UNC119B: variants seen among roughly 807,000 people sequenced by gnomAD.
UNC119B encodes the protein protein unc-119 homolog B.
UNC119B carries 16 observed loss-of-function variants against 23.4 expected under a neutral mutation model. The observed-to-expected ratio is 0.68, with a 90% CI of 0.46 to 1.04. The LOEUF (loss-of-function observed/expected upper bound fraction) is 1.04. UNC119B is among the 50% of genes least tolerant of loss of function. The pLI is 0.00. For synonymous variants in UNC119B, 144 were observed against 145.4 expected (o/e 0.99, Z 0.07); for missense variants, 350 against 361.3 (o/e 0.97, Z 0.25).
In UNC119B at chr12:120,722,250, C is replaced by T. The variant is rs1414497516; in HGVS notation, c.*2218C>T. On this transcript the variant is annotated 3_prime_UTR_variant, in exon 5 of 5. Transcript: ENST00000344651. ...TCCTTGTTAGCTTGCCTTAGTCTCACTGGAGACCATTTGCGGATAGTGCTT... is the reference window on the plus strand; with the variant it reads ...TCCTTGTTAGCTTGCCTTAGTCTCATTGGAGACCATTTGCGGATAGTGCTT... 1 of 152,296 alleles carries T rather than the reference C, an allele frequency of 6.6e-6. No homozygotes were observed. Among genetic ancestry groups the T allele is most frequent in the East Asian group, 1.9e-4 (1 of 5,196 alleles). 9.4% of individuals were successfully genotyped at this position (152,296 alleles called of 1,614,324 possible).
At chr12:120,713,182 A>G in intron 1 of UNC119B, 92 bp from the exon 2 acceptor site, 2 of 1,083,094 alleles carry the variant, frequency 1.8e-6, no homozygotes, top group South Asian at 1.6e-5. Context: ...TGTGTAAGAA[A>G]AAATCTGAGT....
In UNC119B at chr12:120,720,758, C is replaced by G. The variant is rs559655091; in HGVS notation, c.*726C>G. 2 of 152,402 alleles carry G rather than the reference C, an allele frequency of 1.3e-5. No individual in the cohort carries two copies. Among genetic ancestry groups the G allele is most frequent in the African/African-American group, 4.8e-5 (2 of 41,592 alleles). The allele number at this position is 152,402 out of a possible 1,614,324, so 9.4% of individuals were successfully genotyped here. The stretch of plus-strand genomic sequence containing the variant: ...GGACAGACAAGCTTGCTCCACATCT[C>G]CTGGCTCCTCCCTTCTGAGTCTCAT... On this transcript the variant is annotated 3_prime_UTR_variant, in exon 5 of 5. Coordinates refer to ENST00000344651, the MANE Select transcript of UNC119B (RefSeq NM_001080533.3).
At position 120,722,972 on chromosome 12, in the gene UNC119B, C is replaced by T. The variant is rs1183069025; in HGVS notation, c.*2940C>T. On this transcript the variant is annotated 3_prime_UTR_variant, in exon 5 of 5. Transcript: ENST00000344651. ...GGAAGAATGTGATTTTGGGGCTGAC[C>T]ATAAACTGGAAATTTGTGAAATGGC... 1 of 152,380 alleles carries T rather than the reference C, an allele frequency of 6.6e-6. No homozygotes were observed. The highest frequency in any genetic ancestry group is 1.5e-5 in the Non-Finnish European group (1 of 68,192). 9.4% of individuals were successfully genotyped at this position (152,380 alleles called of 1,614,324 possible).
At chr12:120,715,709 T>A (rs1882767712) in intron 2 of UNC119B, among the ~76,000 whole-genome samples, 1 of 152,054 alleles carries the variant, frequency 6.6e-6, no homozygotes, top group South Asian at 2.1e-4. Context: ...AATTTTGTAT[T>A]TTTAGTAGAG....
chr12:120,715,448 C>T (rs1206133684), intron 2 of UNC119B, among the ~76,000 whole-genome samples: 4 of 150,546 alleles, frequency 2.7e-5, no homozygotes, highest in African/African-American at 4.9e-5. Flanking sequence ...CAGCTTAGAC[C>T]TGGAGAAAAT....
In UNC119B at chr12:120,716,987, C is replaced by T. The variant is rs1488016310; in HGVS notation, c.588C>T (p.Ser196=). The part of the protein sequence containing the change: ...FDFDFGFCIP[S]SRNTCEHIYE... ...TTGATTTTGGCTTCTGCATCCCCAG[C>T]AGTAGGAACACTTGTGAACATATCT... The change falls in exon 4 of 5, where the codon AGC becomes AGT. Residue 196 remains serine, a synonymous_variant. Coordinates refer to ENST00000344651, the MANE Select transcript of UNC119B (RefSeq NM_001080533.3). 4 of 1,613,200 alleles carry T rather than the reference C, an allele frequency of 2.5e-6. No homozygotes were observed. Among genetic ancestry groups the T allele is most frequent in the Non-Finnish European group, 2.5e-6 (3 of 1,179,484 alleles).
At chr12:120,714,321 T>C (rs2136930003) in intron 2 of UNC119B, among the ~76,000 whole-genome samples, 1 of 152,058 alleles carries the variant, frequency 6.6e-6, no homozygotes, top group Admixed American at 6.5e-5. Flanking sequence ...TGGGTTTTTT[T>C]TTTGTGTTGT....
At chr12:120,714,146 AACTT>A (rs756244296) in intron 2 of UNC119B, among the ~76,000 whole-genome samples, 2 of 152,114 alleles carry the variant, frequency 1.3e-5, no homozygotes, top group Non-Finnish European at 2.9e-5. Flanking sequence ...GTGGTTTGTA[AACTT>A]ACTTTGCAGT....
chr12:120,712,567 T>A (rs1355692056), intron 1 of UNC119B, among the ~76,000 whole-genome samples: 1 of 152,256 alleles, frequency 6.6e-6, no homozygotes, highest in Non-Finnish European at 1.5e-5. Context: ...ATATGTATTG[T>A]CTACTGTATG....
At chr12:120,715,005 A>G (rs1310730346) in intron 2 of UNC119B, among the ~76,000 whole-genome samples, 1 of 152,124 alleles carries the variant, frequency 6.6e-6, no homozygotes, top group Admixed American at 6.5e-5. Context: ...CCTGGGCAAC[A>G]TGGCAAAACC....
intron 2 of UNC119B, among the ~76,000 whole-genome samples, chr12:120,714,426 T>G (rs1385080787): frequency 6.6e-6 from 1 of 152,106 alleles, no homozygotes; most frequent in Non-Finnish European, 1.5e-5. Context: ...GTTCAAGAGC[T>G]TCTCCTGCCT....
In UNC119B at chr12:120,722,858, A is replaced by G. The variant is rs999232192; in HGVS notation, c.*2826A>G. ...GCTATGTCTCCTTATGTATTACTCAATACTGTTTTGCAGAGAAAACATTTT... is the reference window on the plus strand; with the variant it reads ...GCTATGTCTCCTTATGTATTACTCAGTACTGTTTTGCAGAGAAAACATTTT... On this transcript the variant is annotated 3_prime_UTR_variant, in exon 5 of 5. Coordinates refer to ENST00000344651, the MANE Select transcript of UNC119B (RefSeq NM_001080533.3). 1 of 152,272 alleles carries G rather than the reference A, an allele frequency of 6.6e-6. No individual in the cohort carries two copies. The highest frequency in any genetic ancestry group is 1.5e-5 in the Non-Finnish European group (1 of 68,064). 9.4% of individuals were successfully genotyped at this position (152,272 alleles called of 1,614,324 possible). A position where few individuals can be genotyped will look rare whatever the true frequency, so the allele number is the denominator to read the frequency against.
chr12:120,719,917 C>A lies in UNC119B; in HGVS notation c.644-3C>A. The A allele has an allele frequency of 6.2e-7, 1 of 1,609,546 alleles. No homozygotes were observed. The highest frequency in any genetic ancestry group is 8.5e-7 in the Non-Finnish European group (1 of 1,175,866). On this transcript the variant is annotated splice_polypyrimidine_tract_variant and splice_region_variant and intron_variant, in intron 4 of 4. Transcript: ENST00000344651. ...TTTTCTTCCCCCTTTGCCTGACTTG[C>A]AGTTCGTCTAATGATTGAAAATCCT...
chr12:120,713,187 C>CT, intron 1 of UNC119B, 87 bp from the exon 2 acceptor site: 3 of 1,121,330 alleles, frequency 2.7e-6, no homozygotes, highest in South Asian at 1.5e-5. Context: ...AAGAAAAAAT[C>CT]TGAGTTTGCT....
In UNC119B at chr12:120,720,564, G is replaced by GGA. The variant is rs1238465025; in HGVS notation, c.*534_*535dup. 3 of 153,130 alleles carry GGA rather than the reference G, an allele frequency of 2.0e-5. No individual in the cohort carries two copies. The highest frequency in any genetic ancestry group is 7.2e-5 in the African/African-American group (3 of 41,464). 9.5% of individuals were successfully genotyped at this position (153,130 alleles called of 1,614,324 possible). A position where few individuals can be genotyped will look rare whatever the true frequency, so the allele number is the denominator to read the frequency against. ...GGAAGACACTTGAAAGGGTGGGGAGGGAGGGAGGTGCCAAGAGTGGAGGCA... is the reference window on the plus strand; with the variant it reads ...GGAAGACACTTGAAAGGGTGGGGAGGGAGAGGGAGGTGCCAAGAGTGGAGGCA... On this transcript the variant is annotated 3_prime_UTR_variant, in exon 5 of 5. Coordinates refer to ENST00000344651, the MANE Select transcript of UNC119B (RefSeq NM_001080533.3).
At chr12:120,717,773 A>C (rs948045038) in intron 4 of UNC119B, among the ~76,000 whole-genome samples, 3 of 151,156 alleles carry the variant, frequency 2.0e-5, no homozygotes, top group African/African-American at 7.3e-5. Flanking sequence ...CATGTTGGTC[A>C]GGCTGGTCTC....
rs1203537660 is a variant in UNC119B at position 120,710,637 on chromosome 12, G to A, written c.163G>A (p.Ala55Thr). The A allele has an allele frequency of 3.5e-6, 5 of 1,447,260 alleles. No homozygotes were observed. Among genetic ancestry groups the A allele is most frequent in the East Asian group, 3.0e-5 (1 of 32,788 alleles). The allele number at this position is 1,447,260 out of a possible 1,614,324, so 89.7% of individuals were successfully genotyped here. ...PHHAADDGVGAAVTEQELLAL... is the reference protein window; with the variant it reads ...PHHAADDGVGTAVTEQELLAL... The stretch of plus-strand genomic sequence containing the variant: ...CCACGCGGCCGACGACGGCGTCGGG[G>A]CAGCGGTCACGGAGCAGGAGCTGCT... The change falls in exon 1 of 5, where the codon GCA becomes ACA. Residue 55 changes from alanine (A) to threonine (T), a missense_variant. Coordinates refer to ENST00000344651, the MANE Select transcript of UNC119B (RefSeq NM_001080533.3).
intron 4 of UNC119B, among the ~76,000 whole-genome samples, chr12:120,718,463 C>T (rs1882825388): frequency 6.6e-6 from 1 of 152,158 alleles, no homozygotes; most frequent in African/African-American, 2.4e-5. Flanking sequence ...GAGATAGATC[C>T]AGCAGGAAGG....
intron 2 of UNC119B, among the ~76,000 whole-genome samples, chr12:120,715,151 A>C (rs765319656): frequency 3.7e-4 from 56 of 152,242 alleles, no homozygotes; most frequent in Non-Finnish European, 7.2e-4. Context: ...TGATCACTGC[A>C]TTGCACTCCA....
Sources: gnomAD v4.1 joint callset for allele counts (sites outside exome capture counted in the v4.1 genomes callset) on GRCh38, gnomAD v4.1.1 for gene constraint, MANE v1.5 for transcripts, NCBI Gene and HGNC (gene_info 2026-07-23, HGNC 2026-07-21) for gene names.